The following TUB variants were observed in gnomAD, a reference collection of about 807,000 sequenced individuals.
The protein encoded by TUB is TUB bipartite transcription factor.
TUB carries 33 observed loss-of-function variants against 59.7 expected under a neutral mutation model. That is an observed-to-expected ratio of 0.55 (90% CI 0.42 to 0.74). The LOEUF (loss-of-function observed/expected upper bound fraction) is 0.74. Ranked by LOEUF, TUB falls within the 30% of genes least tolerant of loss-of-function variation. The pLI is 0.00. For missense variants in TUB, 659 were observed against 672.0 expected (o/e 0.98, Z 0.21); for synonymous variants, 293 against 256.4 (o/e 1.14, Z -1.36).
intron 1 of TUB, among the ~76,000 whole-genome samples, chr11:8,030,036 G>C (rs1201057729): frequency 6.6e-6 from 1 of 152,190 alleles, no homozygotes. Flanking sequence ...AGTGAGTGGG[G>C]GGTGGTCTGT....
At position 8,106,243 on chromosome 11, in the gene TUB, A is replaced by C. The variant is rs892582512; in HGVS notation, c.*4624A>C. The C allele has an allele frequency of 2.6e-5, 4 of 152,156 alleles. No individual in the cohort carries two copies. The highest frequency in any genetic ancestry group is 7.2e-5 in the African/African-American group (3 of 41,422). The allele number at this position is 152,156 out of a possible 1,614,324, so 9.4% of individuals were successfully genotyped here. On this transcript the variant is annotated 3_prime_UTR_variant, in exon 12 of 12. Transcript: ENST00000299506. ...CAAATTAAACTTGAATCGTTTCAAC[A>C]CTTCTGTGTACTTTTTTCATAAAGG... is the stretch of plus-strand genomic sequence containing the variant.
intron 2 of TUB, among the ~76,000 whole-genome samples, chr11:8,048,237 C>T (rs1262604067): frequency 1.3e-5 from 2 of 152,070 alleles, no homozygotes; most frequent in Non-Finnish European, 2.9e-5. Context: ...AAATTAGACA[C>T]ATAGTGGTTA....
At chr11:8,019,864 C>T (rs1447238694) in intron 1 of TUB, among the ~76,000 whole-genome samples, 1 of 152,094 alleles carries the variant, frequency 6.6e-6, no homozygotes, top group Non-Finnish European at 1.5e-5. Context: ...CGAGTCGCTG[C>T]CTGTTCCGCG....
chr11:8,067,513 A>G (rs983884316), intron 2 of TUB: 7 of 152,344 alleles, frequency 4.6e-5, no homozygotes, highest in African/African-American at 1.7e-4. Flanking sequence ...TACTGTTATT[A>G]TTTTGTGCCT....
chr11:8,066,964 C>T lies in TUB; in HGVS notation c.204-22646C>T, dbSNP rs11041729. 5.3e-3 allele frequency among the ~76,000 whole-genome samples: 801 copies of T among 152,326 alleles called. 7 individuals are homozygous for T. The highest frequency in any genetic ancestry group is 0.01 in the Middle Eastern group (3 of 294). On this transcript the variant is annotated intron_variant, in intron 2 of 12. Transcript: ENST00000305253. ...CCCCAAATGCACACACATTCACACA[C>T]ACAGCCATCACCGTGTACAGATGGA...
intron 1 of TUB, among the ~76,000 whole-genome samples, chr11:8,028,417 A>G (rs1942529766): frequency 6.6e-6 from 1 of 152,190 alleles, no homozygotes; most frequent in Admixed American, 6.5e-5. Flanking sequence ...AGGTCCTTTG[A>G]AGCACAAGCT....
intron 1 of TUB, 27 bp from the exon 2 acceptor site, chr11:8,089,583 C>T (rs1317299552): frequency 3.1e-6 from 5 of 1,613,996 alleles, no homozygotes; most frequent in Non-Finnish European, 4.2e-6. Flanking sequence ...ACGGGCAAGC[C>T]CTGAAAACCC....
chr11:8,067,934 A>G (rs1039191283), intron 2 of TUB: 2 of 152,336 alleles, frequency 1.3e-5, no homozygotes, highest in African/African-American at 2.4e-5. Flanking sequence ...CAAACCTGCT[A>G]TTCCCACTGG....
At chr11:8,093,365 T>C (rs1276003396) in intron 3 of TUB, among the ~76,000 whole-genome samples, 1 of 151,680 alleles carries the variant, frequency 6.6e-6, no homozygotes, top group East Asian at 1.9e-4. Context: ...GCCCCAGAGG[T>C]GGGGAGTATG....
intron 4 of TUB, among the ~76,000 whole-genome samples, 180 bp downstream of exon 4, chr11:8,094,369 C>T (rs1346076847): frequency 6.6e-6 from 1 of 152,126 alleles, no homozygotes; most frequent in Non-Finnish European, 1.5e-5. Flanking sequence ...TTGGGAGGTG[C>T]CTGGGCTGCC....
In TUB at chr11:8,105,268, G is replaced by C. The variant is rs1944503118; in HGVS notation, c.*3649G>C. The C allele has an allele frequency of 6.6e-6, 1 of 152,230 alleles. No individual in the cohort carries two copies. Among genetic ancestry groups the C allele is most frequent in the African/African-American group, 2.4e-5 (1 of 41,442 alleles). The allele number at this position is 152,230 out of a possible 1,614,324, so 9.4% of individuals were successfully genotyped here. A position where few individuals can be genotyped will look rare whatever the true frequency, so the allele number is the denominator to read the frequency against. ...GTGGCCCTCAGATTACACTTCTCCA[G>C]ATAGCTGAATGAGTCTGCTTTCACT... On this transcript the variant is annotated 3_prime_UTR_variant, in exon 12 of 12. Coordinates refer to ENST00000299506, the MANE Select transcript of TUB (RefSeq NM_177972.3).
At chr11:8,036,753 G>C (rs1942652808), upstream of TUB, among the ~76,000 whole-genome samples, 1 of 152,228 alleles carries the variant, frequency 6.6e-6, no homozygotes, top group African/African-American at 2.4e-5. Context: ...ATCCAGCCCT[G>C]AGGTTCTGTT....
chr11:8,048,415 T>G (rs910586862), intron 2 of TUB, among the ~76,000 whole-genome samples: 12 of 152,216 alleles, frequency 7.9e-5, no homozygotes, highest in African/African-American at 2.9e-4. Flanking sequence ...TTAGATTTTT[T>G]TAATGAGATG....
chr11:8,068,881 G>C (rs959594577), intron 2 of TUB: 1 of 152,236 alleles, frequency 6.6e-6, no homozygotes, highest in Non-Finnish European at 1.5e-5. Flanking sequence ...GCTGGGTGCA[G>C]TGCGAGCCTC....
chr11:8,081,896 C>T (rs887345685), intron 1 of TUB, among the ~76,000 whole-genome samples: 1 of 152,216 alleles, frequency 6.6e-6, no homozygotes, highest in Non-Finnish European at 1.5e-5. Flanking sequence ...TGCGCGCACA[C>T]GCTCATACAT....
chr11:8,090,228 C>A lies in TUB; in HGVS notation c.250C>A (p.Gln84Lys). Reference protein sequence around the residue: ...YLSSSGSTSYQVQEADSLASV... With the variant: ...YLSSSGSTSYKVQEADSLASV... ...CAGCAGCAGTGGCAGCACCAGCTAC[C>A]AAGGTATACCTTGCCTGCTGCCCCA... Residue 84 changes from glutamine to lysine, a missense_variant, in exon 3 of 12, where the codon CAA becomes AAA. By Grantham distance (53) the Gln-to-Lys change is moderately conservative. This residue lies in a region of TUB where 321 missense variants were observed against 304.3 expected (regional missense o/e 1.05). Coordinates refer to ENST00000299506, the MANE Select transcript of TUB (RefSeq NM_177972.3). 6.2e-7 allele frequency: 1 copy of A among 1,613,288 alleles called. No individual in the cohort carries two copies. The highest frequency in any genetic ancestry group is 2.2e-5 in the East Asian group (1 of 44,876).
At chr11:8,023,253 T>G (rs1942456168) in intron 1 of TUB, among the ~76,000 whole-genome samples, 1 of 152,192 alleles carries the variant, frequency 6.6e-6, no homozygotes, top group African/African-American at 2.4e-5. Context: ...TGCCTTGTAT[T>G]AGTCAAAGTC....
At position 8,072,649 on chromosome 11, in the gene TUB, C is replaced by A. The variant is rs774814904; in HGVS notation, c.204-16961C>A. On this transcript the variant is annotated intron_variant, in intron 2 of 12. Coordinates refer to the TUB transcript ENST00000305253. Reference sequence around the variant, plus strand: ...AGCACAGCATTCACAGACACACGTCCCTTCTCAGTTCATCCTCACACACTA... The same window carrying A: ...AGCACAGCATTCACAGACACACGTCACTTCTCAGTTCATCCTCACACACTA... Among the ~76,000 whole-genome samples the A allele has an allele frequency of 5.1e-4, 77 of 152,276 alleles. 1 individual carries two copies. The highest frequency in any genetic ancestry group is 2.2e-4 in the Non-Finnish European group (15 of 68,020).
At position 8,095,606 on chromosome 11, in the gene TUB, C is replaced by T; in HGVS notation, c.506C>T (p.Ala169Val). The change falls in exon 5 of 12, where the codon GCA becomes GTA. Residue 169 changes from alanine (A) to valine (V), a missense_variant. By Grantham distance (64) the Ala-to-Val change is moderately conservative (BLOSUM62 0). This residue lies in a region of TUB where 321 missense variants were observed against 304.3 expected (regional missense o/e 1.05). Coordinates refer to ENST00000299506, the MANE Select transcript of TUB (RefSeq NM_177972.3). ...CACGCCCAGGACGCAGGGGAGACGG[C>T]AGCTGGTGGGGGCGAACGGCCCAGC... is the stretch of plus-strand genomic sequence containing the variant. ...SDHAQDAGET[A>V]AGGGERPSGQ... 1 of 1,612,642 alleles carries T rather than the reference C, an allele frequency of 6.2e-7. No homozygotes were observed. Among genetic ancestry groups the T allele is most frequent in the Non-Finnish European group, 8.5e-7 (1 of 1,179,700 alleles).
Sources: gnomAD v4.1 joint callset for allele counts (sites outside exome capture counted in the v4.1 genomes callset) on GRCh38, gnomAD v4.1.1 for gene constraint, gnomAD v4.1.1 regional missense constraint, MANE v1.5 for transcripts, NCBI Gene and HGNC (gene_info 2026-07-23, HGNC 2026-07-21) for gene names.